COPG2: variants seen among roughly 807,000 people sequenced by gnomAD.
COPG2 encodes coatomer subunit gamma-2.
Under a neutral mutation model 46.3 loss-of-function variants are expected in COPG2, and 37 were observed. The observed-to-expected ratio is 0.80, with a 90% CI of 0.61 to 1.05. The LOEUF (loss-of-function observed/expected upper bound fraction) is 1.05, where lower values mean the gene tolerates loss of function less well. COPG2 is among the 50% of genes least tolerant of loss of function. The pLI is 0.00. For missense variants in COPG2, 427 were observed against 387.8 expected (o/e 1.10, Z -0.85); for synonymous variants, 159 against 129.7 (o/e 1.23, Z -1.53).
chr7:130,579,457 C>A (rs1794087385), intron 9 of COPG2, among the ~76,000 whole-genome samples: 1 of 148,796 alleles, frequency 6.7e-6, no homozygotes, highest in Non-Finnish European at 1.5e-5. Context: ...GCAAAATCAC[C>A]AGCTAACATC....
chr7:130,534,105 AAGC>A (rs1799856833), intron 20 of COPG2, among the ~76,000 whole-genome samples: 1 of 152,074 alleles, frequency 6.6e-6, no homozygotes, highest in African/African-American at 2.4e-5. Context: ...TTGTTGAAAT[AAGC>A]AGTATTAAAG....
chr7:130,610,061 C>T (rs782718658), intron 9 of COPG2: 24 of 518,088 alleles, frequency 4.6e-5, no homozygotes, highest in South Asian at 3.1e-4. Flanking sequence ...ATCTGTAAGT[C>T]AGCTTCTACT....
chr7:130,652,906 C>A lies in COPG2; in HGVS notation c.286G>T (p.Ala96Ser), dbSNP rs1474631313. Residue 96 changes from alanine to serine, a missense_variant, in exon 5 of 24, where the codon GCT becomes TCT. Ala to Ser is a moderately conservative substitution (Grantham distance 99, BLOSUM62 1). Transcript: ENST00000425248. ...ATTATCACATCCTCAGAGATGGTAG[C>A]CATTTCTTTGATGGTAAGGTAGCAC... ...RMCYLTIKEM[A>S]TISEDVIIVT... The A allele has an allele frequency of 9.3e-6, 15 of 1,607,620 alleles. No individual in the cohort carries two copies. Among genetic ancestry groups the A allele is most frequent in the Non-Finnish European group, 1.2e-5 (14 of 1,176,576 alleles).
At chr7:130,566,441 T>A (rs987579336) in intron 9 of COPG2, among the ~76,000 whole-genome samples, 60 of 152,348 alleles carry the variant, frequency 3.9e-4, no homozygotes, top group African/African-American at 1.3e-3. Context: ...GAACTACCAT[T>A]CAATCCAGCA....
At chr7:130,608,772 C>T (rs1794783686) in intron 9 of COPG2, among the ~76,000 whole-genome samples, 1 of 151,954 alleles carries the variant, frequency 6.6e-6, no homozygotes, top group Admixed American at 6.6e-5. Flanking sequence ...TGGTTTTCAA[C>T]TTTTTACTTG....
chr7:130,522,692 A>G (rs1466701775), intron 20 of COPG2, among the ~76,000 whole-genome samples: 4 of 152,180 alleles, frequency 2.6e-5, no homozygotes, highest in Non-Finnish European at 5.9e-5. Flanking sequence ...AAGTGCTTCC[A>G]TGGGAAGACT....
intron 12 of COPG2, among the ~76,000 whole-genome samples, chr7:130,557,347 TA>T (rs1446146057): frequency 2.0e-5 from 3 of 152,278 alleles, no homozygotes; most frequent in African/African-American, 7.2e-5. Flanking sequence ...TTGAAAGGCA[TA>T]AAAGCAGATT....
In COPG2 at chr7:130,657,084, A is replaced by G. The variant is rs535204770; in HGVS notation, c.244-4136T>C. 5.9e-5 allele frequency among the ~76,000 whole-genome samples: 9 copies of G among 151,930 alleles called. No homozygotes were observed. The South Asian group carries it at 1.9e-3, about 31-fold the overall frequency. On this transcript the variant is annotated intron_variant, in intron 4 of 23. Coordinates refer to ENST00000425248, the MANE Select transcript of COPG2 (RefSeq NM_012133.6). ...CAAAACAATTTTGAAAAATAGAAAG[A>G]TTTGCACTATAAAACTTACTATAGA... is the stretch of plus-strand genomic sequence containing the variant.
At chr7:130,662,882 T>C in intron 4 of COPG2, 85 bp downstream of exon 4, 1 of 745,452 alleles carries the variant, frequency 1.3e-6, no homozygotes, top group Non-Finnish European at 2.3e-6. Flanking sequence ...CAAGCAATGC[T>C]CCCTAATTTA....
intron 20 of COPG2, among the ~76,000 whole-genome samples, chr7:130,539,973 T>G (rs2116369369): frequency 6.6e-6 from 1 of 152,226 alleles, no homozygotes; most frequent in East Asian, 1.9e-4. Context: ...AGCCTTGAAC[T>G]TTGTTGCAGA....
intron 9 of COPG2, among the ~76,000 whole-genome samples, chr7:130,591,515 A>C (rs1376928548): frequency 3.3e-5 from 3 of 91,106 alleles, no homozygotes; most frequent in Non-Finnish European, 6.8e-5. Context: ...CCCATCCGGG[A>C]GGTGAGGGGT....
intron 5 of COPG2, among the ~76,000 whole-genome samples, chr7:130,626,256 A>C (rs1554454258): frequency 6.6e-6 from 1 of 152,120 alleles, no homozygotes; most frequent in East Asian, 1.9e-4. Context: ...GCATGACCAT[A>C]AATCACAAAT....
At chr7:130,554,942 AGAT>A (rs1344130443) in intron 13 of COPG2, 92 bp downstream of exon 13, 1 of 397,672 alleles carries the variant, frequency 2.5e-6, no homozygotes, top group Non-Finnish European at 4.4e-6. Flanking sequence ...AGGCATACTG[AGAT>A]GATAAGGAAA....
chr7:130,535,965 T>C (rs1799875949), intron 20 of COPG2, among the ~76,000 whole-genome samples: 1 of 151,998 alleles, frequency 6.6e-6, no homozygotes, highest in African/African-American at 2.4e-5. Context: ...GGGAAGTCTC[T>C]CTGGGGGCAC....
At chr7:130,618,522 A>G (rs887124190) in intron 5 of COPG2, among the ~76,000 whole-genome samples, 53 of 152,312 alleles carry the variant, frequency 3.5e-4, no homozygotes, top group African/African-American at 1.2e-3. Context: ...TAATGACAGA[A>G]TAAGTCTCTA....
chr7:130,638,358 G>A (rs1795387264), intron 5 of COPG2, among the ~76,000 whole-genome samples: 1 of 152,212 alleles, frequency 6.6e-6, no homozygotes, highest in Non-Finnish European at 1.5e-5. Context: ...CTGTCCCAGG[G>A]AGATGGGAGT....
At chr7:130,630,933 C>T (rs2116542995) in intron 5 of COPG2, among the ~76,000 whole-genome samples, 1 of 152,210 alleles carries the variant, frequency 6.6e-6, no homozygotes, top group South Asian at 2.1e-4. Flanking sequence ...GTTCCAACTA[C>T]TTGGGAGGAC....
At chr7:130,658,182 T>C (rs1247339949) in intron 4 of COPG2, among the ~76,000 whole-genome samples, 1 of 152,110 alleles carries the variant, frequency 6.6e-6, no homozygotes, top group Non-Finnish European at 1.5e-5. Flanking sequence ...CAGAGGTACA[T>C]CCATTCAATG....
rs1047836143 is a variant in COPG2 at position 130,537,678 on chromosome 7, C to T, written c.2149+9996G>A. ...GAGGCCAGCAGCTTACAGAGGTGAG[C>T]TTGTTGAGAGGATCAGGGAATGTAC... On this transcript the variant is annotated intron_variant, in intron 20 of 23. Coordinates refer to ENST00000425248, the MANE Select transcript of COPG2 (RefSeq NM_012133.6). Among the ~76,000 whole-genome samples the T allele has an allele frequency of 4.8e-4, 73 of 152,310 alleles. No homozygotes were observed. In the South Asian group the frequency reaches 0.014, roughly 30 times the overall value.
Sources: allele counts gnomAD v4.1 joint callset (sites outside exome capture counted in the v4.1 genomes callset), GRCh38; gene constraint gnomAD v4.1.1; transcripts MANE v1.5; gene names NCBI Gene and HGNC (gene_info 2026-07-23, HGNC 2026-07-21).